Variants in CENPI observed in about 807,000 individuals in gnomAD.
CENPI encodes the protein FSH primary response 1.
In CENPI, 4 loss-of-function variants were observed where a neutral mutation model predicts 60.4. The observed-to-expected ratio is 0.07, with a 90% CI of 0.03 to 0.15. The LOEUF (loss-of-function observed/expected upper bound fraction) is 0.15. Ranked by LOEUF, CENPI falls within the 10% of genes least tolerant of loss-of-function variation. The pLI, the probability that CENPI is intolerant of heterozygous loss-of-function variation, is 1.00. For synonymous variants in CENPI, 157 were observed against 189.4 expected (o/e 0.83, Z 1.40); for missense variants, 444 against 534.5 (o/e 0.83, Z 1.67).
chrX:101,108,812 A>C (rs748747763), intron 4 of CENPI, among the ~76,000 whole-genome samples: 62 of 106,739 alleles, frequency 5.8e-4, no homozygotes, highest in Non-Finnish European at 1.1e-3. Flanking sequence ...CCCTTGGCTA[A>C]TTTTTGTATT....
chrX:101,155,226 C>T (rs1318714494), intron 20 of CENPI, among the ~76,000 whole-genome samples: 8 of 111,161 alleles, frequency 7.2e-5, no homozygotes, highest in African/African-American at 2.3e-4. Flanking sequence ...TCTTGCTCTT[C>T]TTGCCCAGGC....
intron 20 of CENPI, among the ~76,000 whole-genome samples, chrX:101,156,668 G>A (rs1287478118): frequency 9.2e-6 from 1 of 108,466 alleles, no homozygotes; most frequent in Non-Finnish European, 1.9e-5. Flanking sequence ...CCCTTTCCCC[G>A]AGTCCCCAGA....
chrX:101,128,897 CCAAATTCTAGA>C (rs2089765585), intron 12 of CENPI, 61 bp downstream of exon 12: 1 of 1,045,896 alleles, frequency 9.6e-7, no homozygotes, highest in African/African-American at 1.8e-5. Context: ...TATAAGGGTG[CCAAATTCTAGA>C]CAGCAGGAGC....
At chrX:101,114,429 GA>G (rs1205125481) in intron 6 of CENPI, among the ~76,000 whole-genome samples, 1 of 110,984 alleles carries the variant, frequency 9.0e-6, no homozygotes, top group Non-Finnish European at 1.9e-5. Flanking sequence ...ACCTCAAAAA[GA>G]AAAAAAGAAA....
chrX:101,119,421 G>A (rs966922814), intron 6 of CENPI, among the ~76,000 whole-genome samples: 5 of 111,433 alleles, frequency 4.5e-5, no homozygotes, highest in Non-Finnish European at 7.5e-5. Flanking sequence ...GAAGGTATTG[G>A]CAAACTTTTT....
At chrX:101,131,678 G>A (rs2089797066) in intron 13 of CENPI, among the ~76,000 whole-genome samples, 1 of 111,063 alleles carries the variant, frequency 9.0e-6, no homozygotes, top group South Asian at 3.8e-4. Flanking sequence ...TAGAGTCCTG[G>A]TGCATGTCAC....
chrX:101,166,960 A>T (rs1222906930), downstream of CENPI, among the ~76,000 whole-genome samples: 1 of 112,173 alleles, frequency 8.9e-6, no homozygotes, highest in Non-Finnish European at 1.9e-5. Context: ...GGATTCCACC[A>T]TGTTGGCCAG....
intron 6 of CENPI, among the ~76,000 whole-genome samples, chrX:101,114,253 G>T: frequency 8.9e-6 from 1 of 111,830 alleles, no homozygotes; most frequent in Non-Finnish European, 1.9e-5. Flanking sequence ...GCGAGACTCT[G>T]TCTCAAAAAA....
chrX:101,139,628 CT>C (rs1376662490), intron 15 of CENPI, among the ~76,000 whole-genome samples: 2 of 111,069 alleles, frequency 1.8e-5, no homozygotes, highest in African/African-American at 6.5e-5. Context: ...ATTAATTGAA[CT>C]TTTCTCTGAA....
chrX:101,124,413 GCTTTATTCAAAGT>G (rs2089713145), intron 8 of CENPI, among the ~76,000 whole-genome samples: 1 of 111,134 alleles, frequency 9.0e-6, no homozygotes, highest in Non-Finnish European at 1.9e-5. Context: ...CAGTCAATTT[GCTTTATTCAAAGT>G]CTACTGATTT....
chrX:101,155,153 G>A (rs7883306), intron 20 of CENPI, among the ~76,000 whole-genome samples: 21,387 of 110,373 alleles, frequency 0.19, 1,655 homozygotes, highest in South Asian at 0.33. Context: ...TCACTTTGTC[G>A]TTTGTCAGGT....
At chrX:101,172,029 G>A in the CENPI span, among the ~76,000 whole-genome samples, 4 of 111,755 alleles carry the variant, frequency 3.6e-5, no homozygotes, top group African/African-American at 9.7e-5. Context: ...GAAGATATGC[G>A]AATGGATAAT....
At position 101,102,304 on chromosome X, in the gene CENPI, A is replaced by G; in HGVS notation, c.257A>G (p.Lys86Arg). ...ATTAAAGCTTCACAGAATAAAGATAAAACCTTGGAAAAACACTTGAAAACT... is the reference window on the plus strand; with the variant it reads ...ATTAAAGCTTCACAGAATAAAGATAGAACCTTGGAAAAACACTTGAAAACT... ...GPIKASQNKD[K>R]TLEKHLKTVE... Residue 86 changes from lysine (K) to arginine (R), a missense_variant, in exon 4 of 22, where the codon AAA becomes AGA. By Grantham distance (26) the Lys-to-Arg change is conservative. Transcript: ENST00000682095. 8.4e-7 allele frequency: 1 copy of G among 1,192,604 alleles called. No individual in the cohort carries two copies. The highest frequency in any genetic ancestry group is 1.8e-5 in the South Asian group (1 of 54,552).
intron 6 of CENPI, among the ~76,000 whole-genome samples, chrX:101,115,617 G>T (rs1373714165): frequency 9.0e-6 from 1 of 111,115 alleles, no homozygotes; most frequent in Admixed American, 9.6e-5. Flanking sequence ...TCTTGCCTCG[G>T]CCTCCCAAAG....
At chrX:101,105,016 G>A (rs2089466709) in intron 4 of CENPI, among the ~76,000 whole-genome samples, 1 of 111,754 alleles carries the variant, frequency 8.9e-6, no homozygotes, top group African/African-American at 3.3e-5. Context: ...ATTACTAACC[G>A]AATTCAACAT....
chrX:101,178,691 G>T, the CENPI span, among the ~76,000 whole-genome samples: 1 of 111,438 alleles, frequency 9.0e-6, no homozygotes, highest in Non-Finnish European at 1.9e-5. Flanking sequence ...GATTACAGGC[G>T]TGAGCCACCA....
At chrX:101,131,133 G>A (rs754733103) in intron 13 of CENPI, among the ~76,000 whole-genome samples, 19 of 110,984 alleles carry the variant, frequency 1.7e-4, no homozygotes, top group African/African-American at 5.6e-4. Context: ...AGGACTACAG[G>A]TGTGCACCAC....
chrX:101,157,226 A>G (rs1460484489), intron 20 of CENPI, among the ~76,000 whole-genome samples: 1 of 111,861 alleles, frequency 8.9e-6, no homozygotes, highest in Non-Finnish European at 1.9e-5. Context: ...ATGACTCACC[A>G]GACTTGGACT....
chrX:101,141,596 A>G (rs2089915397), intron 16 of CENPI, among the ~76,000 whole-genome samples: 1 of 111,710 alleles, frequency 9.0e-6, no homozygotes, highest in Non-Finnish European at 1.9e-5. Flanking sequence ...TGCCCGCCTC[A>G]GCTTTCCAAA....
Sources: gnomAD v4.1 joint callset for allele counts (sites outside exome capture counted in the v4.1 genomes callset) on GRCh38, gnomAD v4.1.1 for gene constraint, MANE v1.5 for transcripts, NCBI Gene and HGNC (gene_info 2026-07-23, HGNC 2026-07-21) for gene names.